Variants in DNA2 observed in about 807,000 individuals in gnomAD.
DNA2 encodes DNA replication helicase/nuclease 2, also known as DNA replication ATP-dependent helicase/nuclease DNA2.
Under a neutral mutation model 119.1 loss-of-function variants are expected in DNA2, and 101 were observed. The observed-to-expected ratio is 0.85, with a 90% CI of 0.72 to 1.00. The LOEUF (loss-of-function observed/expected upper bound fraction) is 1.00, where lower values mean the gene tolerates loss of function less well. Ranked by LOEUF, DNA2 falls within the 50% of genes least tolerant of loss-of-function variation. The pLI, the probability that DNA2 is intolerant of heterozygous loss-of-function variation, is 0.00. For missense variants in DNA2, 1,121 were observed against 1,255.5 expected, an observed-to-expected ratio of 0.89 and a Z score of 1.62; for synonymous variants, 366 against 424.4, an observed-to-expected ratio of 0.86 and a Z score of 1.69.
At chr10:68,444,617 G>C (rs2052013229) in intron 8 of DNA2, among the ~76,000 whole-genome samples, 1 of 151,078 alleles carries the variant, frequency 6.6e-6, no homozygotes, top group Non-Finnish European at 1.5e-5. Flanking sequence ...CCAGCTACTT[G>C]GGAGGCTGAG....
chr10:68,463,301 G>A (rs372349923), intron 4 of DNA2, among the ~76,000 whole-genome samples: 68 of 151,886 alleles, frequency 4.5e-4, no homozygotes, highest in Non-Finnish European at 8.7e-4. Context: ...AAATTCAGCC[G>A]GGCGTGGTGG....
chr10:68,462,969 C>T (rs1292828742), intron 4 of DNA2, among the ~76,000 whole-genome samples: 1 of 150,422 alleles, frequency 6.6e-6, no homozygotes, highest in East Asian at 2.0e-4. Context: ...TCTTTACTAA[C>T]AAATGCAAAA....
At chr10:68,463,188 T>C (rs1455594351) in intron 4 of DNA2, among the ~76,000 whole-genome samples, 1 of 151,486 alleles carries the variant, frequency 6.6e-6, no homozygotes, top group Non-Finnish European at 1.5e-5. Context: ...CTCACACCTG[T>C]AATCCCAGCA....
At position 68,459,176 on chromosome 10, in the gene DNA2, G is replaced by T; in HGVS notation, c.647C>A (p.Ser216Ter). Residue 216 changes from serine (S) to a stop codon, truncating the protein, a stop_gained, in exon 5 of 21, where the codon TCG becomes TAG. Coordinates refer to ENST00000358410, the MANE Select transcript of DNA2 (RefSeq NM_001080449.3). LOFTEE classifies it high-confidence loss of function. ...GAAATCTCCTGCCCATTTACAAAAC[G>T]AAGGAAGATAGTCCTCTACTTCTTG... ...IKQEVEDYLP[S>*]FCKWAGDFMH... 6.3e-7 allele frequency: 1 copy of T among 1,583,142 alleles called. No homozygotes were observed. Among genetic ancestry groups the T allele is most frequent in the East Asian group, 2.3e-5 (1 of 43,906 alleles).
chr10:68,418,307 G>A (rs2051618111), intron 19 of DNA2, among the ~76,000 whole-genome samples: 1 of 151,884 alleles, frequency 6.6e-6, no homozygotes, highest in Admixed American at 6.6e-5. Context: ...AGCTATTTGG[G>A]AGGCTGAGAC....
chr10:68,437,281 T>G (rs1447491532), intron 9 of DNA2, 40 bp from the exon 10 acceptor site: 1 of 1,484,896 alleles, frequency 6.7e-7, no homozygotes, highest in Non-Finnish European at 9.2e-7. Flanking sequence ...CTGTTTATAT[T>G]ACATACGTAA....
chr10:68,442,007 A>AT (rs771091318), intron 9 of DNA2, among the ~76,000 whole-genome samples: 6 of 151,670 alleles, frequency 4.0e-5, no homozygotes, highest in Non-Finnish European at 7.4e-5. Flanking sequence ...AGCTCACTGC[A>AT]ACCTTCACCT....
intron 14 of DNA2, among the ~76,000 whole-genome samples, chr10:68,430,048 T>A (rs1385147589): frequency 6.6e-6 from 1 of 151,674 alleles, no homozygotes; most frequent in Non-Finnish European, 1.5e-5. Flanking sequence ...CACGCCCGGC[T>A]AATTTTTTTT....
rs752790680 is a variant in DNA2 at position 68,419,823 on chromosome 10, G to A, written c.2767C>T (p.Leu923=). 21 of 1,613,486 alleles carry A rather than the reference G, an allele frequency of 1.3e-5. No homozygotes were observed. Among genetic ancestry groups the A allele is most frequent in the Non-Finnish European group, 1.5e-5 (18 of 1,179,682 alleles). The change falls in exon 18 of 21, where the codon CTA becomes TTA. Residue 923 remains leucine, a synonymous_variant. Transcript: ENST00000358410. ...ATTACCTTAACAAAAATGGAGGTTA[G>A]GAAAACTATGAGTTTGGCTTCTGTT... ...NVTEAKLIVF[L]TSIFVKAGCS...
chr10:68,472,230 GA>G, upstream of DNA2: 14 of 1,205,390 alleles, frequency 1.2e-5, no homozygotes, highest in South Asian at 2.1e-4. Flanking sequence ...AAGTAGCTGG[GA>G]CTACAGGCGC....
At position 68,450,262 on chromosome 10, in the gene DNA2, AGC is replaced by A; in HGVS notation, c.720-17_720-16del. 6.7e-7 allele frequency: 1 copy of A among 1,493,296 alleles called. No homozygotes were observed. Among genetic ancestry groups the A allele is most frequent in the Non-Finnish European group, 9.1e-7 (1 of 1,097,124 alleles). 92.5% of individuals were successfully genotyped at this position (1,493,296 alleles called of 1,614,324 possible). On this transcript the variant is annotated splice_polypyrimidine_tract_variant and intron_variant, in intron 5 of 20. Transcript: ENST00000358410. ...TATCACTTGGCCTGAAAAAAAAAAA[AGC>A]ACAAAAACACTTAATTAGAACTCTT...
At position 68,446,163 on chromosome 10, in the gene DNA2, C is replaced by CA. The variant is rs61316500; in HGVS notation, c.1057+132dup. 100,502 of 580,124 alleles carry CA rather than the reference C, an allele frequency of 0.17. 10,710 individuals carry two copies. The highest frequency in any genetic ancestry group is 0.4 in the East Asian group (13,823 of 34,772). The allele number at this position is 580,124 out of a possible 1,614,324, so 35.9% of individuals were successfully genotyped here. A position where few individuals can be genotyped will look rare whatever the true frequency, so the allele number is the denominator to read the frequency against. ...AAAACACACACATAAAAAACAACAACAAAAAAAACCCACAGCTACAAATTA... is the reference window on the plus strand; with the variant it reads ...AAAACACACACATAAAAAACAACAACAAAAAAAAACCCACAGCTACAAATTA... On this transcript the variant is annotated intron_variant, in intron 7 of 20. Transcript: ENST00000358410.
intron 5 of DNA2, among the ~76,000 whole-genome samples, chr10:68,455,876 G>C (rs2052176516): frequency 6.6e-6 from 1 of 151,780 alleles, no homozygotes; most frequent in Non-Finnish European, 1.5e-5. Flanking sequence ...CTAACAGCAA[G>C]ACAAGCCTTT....
At chr10:68,446,684 C>T (rs1489221575) in intron 6 of DNA2, among the ~76,000 whole-genome samples, 1 of 152,214 alleles carries the variant, frequency 6.6e-6, no homozygotes, top group Non-Finnish European at 1.5e-5. Context: ...TGAGACCAGC[C>T]TGGGCAATAT....
At chr10:68,472,116 T>G, upstream of DNA2, 1 of 1,483,306 alleles carries the variant, frequency 6.7e-7, no homozygotes, top group Non-Finnish European at 9.0e-7. Context: ...ATACAGGGAG[T>G]CTTCATATCT....
At chr10:68,465,104 T>C (rs949224373) in intron 4 of DNA2, among the ~76,000 whole-genome samples, 17 of 149,262 alleles carry the variant, frequency 1.1e-4, no homozygotes, top group Admixed American at 6.7e-4. Flanking sequence ...CTGCAAGCTC[T>C]ACCTCCCGGG....
At chr10:68,431,222 AG>A (rs61136157) in intron 13 of DNA2, among the ~76,000 whole-genome samples, 11,090 of 114,466 alleles carry the variant, frequency 0.097, 593 homozygotes, top group South Asian at 0.25. Context: ...AAAAAAAAAA[AG>A]AAAAAGAAAA....
At chr10:68,426,695 C>A (rs143627689) in intron 14 of DNA2, among the ~76,000 whole-genome samples, 6 of 151,382 alleles carry the variant, frequency 4.0e-5, no homozygotes, top group Non-Finnish European at 5.9e-5. Context: ...AAAAATTAGC[C>A]GGGCATGGTG....
At chr10:68,447,183 C>T (rs2052051010) in intron 6 of DNA2, among the ~76,000 whole-genome samples, 1 of 151,948 alleles carries the variant, frequency 6.6e-6, no homozygotes, top group African/African-American at 2.4e-5. Context: ...AGTGAGATCC[C>T]CATTTCTACA....
Sources: allele counts gnomAD v4.1 joint callset (sites outside exome capture counted in the v4.1 genomes callset), GRCh38; gene constraint gnomAD v4.1.1; transcripts MANE v1.5; gene names NCBI Gene and HGNC (gene_info 2026-07-23, HGNC 2026-07-21).